MECOM: variants seen among roughly 807,000 people sequenced by gnomAD.
MECOM encodes the protein MDS1 and EVI1 complex locus.
MECOM carries 13 observed loss-of-function variants against 116.3 expected under a neutral mutation model. That is an observed-to-expected ratio of 0.11 (90% CI 0.07 to 0.18). The LOEUF (loss-of-function observed/expected upper bound fraction) is 0.18. MECOM is among the 10% of genes least tolerant of loss of function. The probability of loss-of-function intolerance (pLI) is 1.00; values close to 1 mark genes in which losing one functional copy is unlikely to be tolerated. For synonymous variants in MECOM, 528 were observed against 535.2 expected, an observed-to-expected ratio of 0.99 and a Z score of 0.19; for missense variants, 1,299 against 1,509.0, an observed-to-expected ratio of 0.86 and a Z score of 2.31.
chr3:169,636,836 T>A (rs1772833241), intron 1 of MECOM, among the ~76,000 whole-genome samples: 2 of 152,084 alleles, frequency 1.3e-5, no homozygotes, highest in Admixed American at 1.3e-4. Context: ...ACGAACAACC[T>A]CTGAATAAAG....
chr3:169,243,026 T>G (rs1755089529), intron 2 of MECOM, among the ~76,000 whole-genome samples: 1 of 152,140 alleles, frequency 6.6e-6, no homozygotes, highest in Non-Finnish European at 1.5e-5. Flanking sequence ...TGTTATTCCA[T>G]CAAATCTAGA....
rs192230425 is a variant in MECOM, at chr3:169,466,882, G to A, written c.38-85358C>T. 1.7e-3 allele frequency among the ~76,000 whole-genome samples: 252 copies of A among 152,168 alleles called. 1 individual carries two copies. The highest frequency in any genetic ancestry group is 5.8e-3 in the African/African-American group (240 of 41,518). ...TCCAATTGAATAAACACTTACTTAG[G>A]TGAACTAGTGGACTTGTTTTAATGA... On this transcript the variant is annotated intron_variant, in intron 1 of 16. Coordinates refer to ENST00000651503, the MANE Select transcript of MECOM (RefSeq NM_004991.4).
At chr3:169,503,649 T>C (rs557010322) in intron 1 of MECOM, among the ~76,000 whole-genome samples, 4 of 152,326 alleles carry the variant, frequency 2.6e-5, no homozygotes, top group African/African-American at 9.6e-5. Flanking sequence ...TCTTAATGGA[T>C]GTACATCTCA....
At chr3:169,637,041 G>A (rs1772872837) in intron 1 of MECOM, among the ~76,000 whole-genome samples, 1 of 152,146 alleles carries the variant, frequency 6.6e-6, no homozygotes, top group South Asian at 2.1e-4. Context: ...ATAGAATATA[G>A]CAGAAGCAAC....
chr3:169,279,367 C>A (rs1711503877), intron 2 of MECOM, among the ~76,000 whole-genome samples: 1 of 152,152 alleles, frequency 6.6e-6, no homozygotes, highest in South Asian at 2.1e-4. Context: ...TCCCCTCCTT[C>A]CCCCCACTAC....
chr3:169,243,481 T>C (rs1755143664), intron 2 of MECOM, among the ~76,000 whole-genome samples: 1 of 152,218 alleles, frequency 6.6e-6, no homozygotes, highest in Non-Finnish European at 1.5e-5. Context: ...TATTGACTTT[T>C]GTGCTGGGCA....
intron 2 of MECOM, among the ~76,000 whole-genome samples, chr3:169,156,200 C>T (rs568580019): frequency 6.6e-6 from 1 of 152,188 alleles, no homozygotes; most frequent in Non-Finnish European, 1.5e-5. Context: ...ACAATGAGCA[C>T]CAATGTGCTA....
chr3:169,456,064 A>G (rs962529550), intron 1 of MECOM, among the ~76,000 whole-genome samples: 3 of 152,178 alleles, frequency 2.0e-5, no homozygotes, highest in African/African-American at 7.2e-5. Flanking sequence ...TTTTTACATT[A>G]ATTTAAAAAA....
At chr3:169,574,610 C>T (rs1030272032) in intron 1 of MECOM, among the ~76,000 whole-genome samples, 1 of 152,128 alleles carries the variant, frequency 6.6e-6, no homozygotes, top group African/African-American at 2.4e-5. Flanking sequence ...TAGAGCAAAA[C>T]CGACTTTCTT....
At chr3:169,131,700 C>T in intron 3 of MECOM, 169 bp from the exon 4 acceptor site, 1 of 658,324 alleles carries the variant, frequency 1.5e-6, no homozygotes, top group Admixed American at 3.1e-5. Flanking sequence ...ATATTGAAAA[C>T]CAGCCCTCTG....
chr3:169,339,193 C>T (rs1446772015), intron 2 of MECOM, among the ~76,000 whole-genome samples: 2 of 152,168 alleles, frequency 1.3e-5, no homozygotes, highest in South Asian at 4.1e-4. Context: ...AACTTACCAC[C>T]TTGCCAGCAT....
At chr3:169,132,670 T>C (rs2149215971) in intron 3 of MECOM, among the ~76,000 whole-genome samples, 1 of 152,156 alleles carries the variant, frequency 6.6e-6, no homozygotes, top group Middle Eastern at 3.4e-3. Context: ...CATATATTCT[T>C]CTCTCTCTTT....
chr3:169,355,517 T>TA (rs1303334167), intron 2 of MECOM, among the ~76,000 whole-genome samples: 6 of 151,880 alleles, frequency 4.0e-5, no homozygotes, highest in Non-Finnish European at 8.8e-5. Context: ...TGACATGGGG[T>TA]AAAAAACAAC....
intron 1 of MECOM, among the ~76,000 whole-genome samples, chr3:169,659,088 A>AGAAAAGAAAAGAAAAG (rs1553909424): frequency 6.0e-4 from 90 of 151,038 alleles, no homozygotes; most frequent in African/African-American, 2.1e-3. Flanking sequence ...AAAAAAAAAA[A>AGAAAAGAAAAGAAAAG]AAAGAAAGAG....
intron 1 of MECOM, among the ~76,000 whole-genome samples, chr3:169,504,477 A>T (rs1022211128): frequency 6.6e-6 from 1 of 152,132 alleles, no homozygotes; most frequent in Non-Finnish European, 1.5e-5. Context: ...ATATCTTGAA[A>T]GTTTACGTAA....
intron 1 of MECOM, among the ~76,000 whole-genome samples, chr3:169,529,745 C>T (rs1185313565): frequency 6.6e-6 from 1 of 152,188 alleles, no homozygotes; most frequent in Non-Finnish European, 1.5e-5. Context: ...AGAATAAAGA[C>T]CCAGCATGCC....
At chr3:169,149,834 T>A (rs955189459) in intron 2 of MECOM, 3 of 339,228 alleles carry the variant, frequency 8.8e-6, no homozygotes, top group African/African-American at 4.3e-5. Flanking sequence ...AGTCTTGTTC[T>A]CCACTGAATA....
intron 3 of MECOM, chr3:169,133,826 G>T: frequency 1.1e-6 from 1 of 902,680 alleles, no homozygotes; most frequent in Non-Finnish European, 1.5e-6. Context: ...AAACTTTCCA[G>T]TTAAATACTT....
At chr3:169,265,033 GAAA>G (rs61350095) in intron 2 of MECOM, among the ~76,000 whole-genome samples, 1 of 138,638 alleles carries the variant, frequency 7.2e-6, no homozygotes, top group South Asian at 2.3e-4. Flanking sequence ...CAGCAAAACA[GAAA>G]AAAAAAAAAG....
Sources: allele counts gnomAD v4.1 joint callset (sites outside exome capture counted in the v4.1 genomes callset), GRCh38; gene constraint gnomAD v4.1.1; transcripts MANE v1.5; gene names NCBI Gene and HGNC (gene_info 2026-07-23, HGNC 2026-07-21).